COPG2: variants seen among roughly 807,000 people sequenced by gnomAD.
The protein encoded by COPG2 is coat protein complex I subunit gamma 2.
COPG2 carries 37 observed loss-of-function variants against 46.3 expected under a neutral mutation model. The observed-to-expected ratio is 0.80, with a 90% confidence interval of 0.61 to 1.05. The LOEUF (loss-of-function observed/expected upper bound fraction) is 1.05, where lower values mean the gene tolerates loss of function less well. Among genes scored for constraint, COPG2 ranks in the 50% least tolerant of loss-of-function variants. The pLI, the probability that COPG2 is intolerant of heterozygous loss-of-function variation, is 0.00. For synonymous variants in COPG2, 159 were observed against 129.7 expected (o/e 1.23, Z -1.53); for missense variants, 427 against 387.8 (o/e 1.10, Z -0.85).
chr7:130,583,908 T>C lies in COPG2; in HGVS notation c.738-19515A>G, dbSNP rs564934866. The stretch of plus-strand genomic sequence containing the variant: ...TCAAAGAAGAATTGGTACCAATCCT[T>C]TTGAAACTATTCCACAAGACAGAGA... On this transcript the variant is annotated intron_variant, in intron 9 of 23. Coordinates refer to ENST00000425248, the MANE Select transcript of COPG2 (RefSeq NM_012133.6). Among the ~76,000 whole-genome samples, 5 of 151,192 alleles carry C rather than the reference T, an allele frequency of 3.3e-5. No homozygotes were observed. In the East Asian group the frequency reaches 9.7e-4, roughly 29 times the overall value.
At chr7:130,539,646 G>A (rs893741606) in intron 20 of COPG2, among the ~76,000 whole-genome samples, 46 of 152,166 alleles carry the variant, frequency 3.0e-4, no homozygotes, top group Non-Finnish European at 5.3e-4. Flanking sequence ...GAAGAAATGT[G>A]GATGCAAGGG....
intron 9 of COPG2, among the ~76,000 whole-genome samples, chr7:130,591,026 C>A (rs1794397338): frequency 6.6e-6 from 1 of 151,550 alleles, no homozygotes; most frequent in South Asian, 2.1e-4. Context: ...CCGGCAGCCA[C>A]CCCCTCCAGG....
At chr7:130,549,835 A>G (rs2116384700) in intron 17 of COPG2, among the ~76,000 whole-genome samples, 2 of 152,314 alleles carry the variant, frequency 1.3e-5, no homozygotes, top group East Asian at 3.9e-4. Flanking sequence ...TTCTTTGGGA[A>G]TATTTTTTAT....
chr7:130,550,870 A>G (rs1793527373), intron 16 of COPG2, among the ~76,000 whole-genome samples: 1 of 152,214 alleles, frequency 6.6e-6, no homozygotes, highest in African/African-American at 2.4e-5. Context: ...CATAGCATAC[A>G]CATTTTCAAC....
chr7:130,586,304 T>G (rs1478260867), intron 9 of COPG2, among the ~76,000 whole-genome samples: 1 of 151,984 alleles, frequency 6.6e-6, no homozygotes, highest in African/African-American at 2.4e-5. Flanking sequence ...AATGGACTTT[T>G]GGGACTTGGG....
intron 9 of COPG2, chr7:130,604,830 T>C: frequency 2.2e-6 from 1 of 458,484 alleles, no homozygotes; most frequent in Non-Finnish European, 4.2e-6. Flanking sequence ...GTCAGAATAA[T>C]CATGTTCCCT....
At chr7:130,574,054 G>T (rs1378461546) in intron 9 of COPG2, among the ~76,000 whole-genome samples, 1 of 152,124 alleles carries the variant, frequency 6.6e-6, no homozygotes, top group Non-Finnish European at 1.5e-5. Flanking sequence ...AATGTTCAGA[G>T]CCACATTATT....
intron 9 of COPG2, among the ~76,000 whole-genome samples, chr7:130,599,684 C>T (rs138914953): frequency 0.042 from 6,418 of 151,898 alleles, 235 homozygotes; most frequent in African/African-American, 0.094. Context: ...ATTCTATTGA[C>T]AGAGCATTCA....
chr7:130,563,218 T>C, intron 11 of COPG2, 51 bp downstream of exon 11: 1 of 397,622 alleles, frequency 2.5e-6, no homozygotes, highest in East Asian at 3.6e-5. Context: ...ACATTTAATG[T>C]TTCTCAATTA....
chr7:130,668,531 G>T, intron 1 of COPG2, 101 bp downstream of exon 1: 1 of 1,099,756 alleles, frequency 9.1e-7, no homozygotes, highest in Non-Finnish European at 1.2e-6. Context: ...TGGCACGGCG[G>T]CGCCCACGCC....
At chr7:130,574,406 G>A (rs967311251) in intron 9 of COPG2, among the ~76,000 whole-genome samples, 1 of 152,162 alleles carries the variant, frequency 6.6e-6, no homozygotes, top group African/African-American at 2.4e-5. Context: ...GCTTGGAGCT[G>A]GGTAGACTTG....
chr7:130,560,467 A>C (rs1793700717), intron 12 of COPG2, among the ~76,000 whole-genome samples: 1 of 152,186 alleles, frequency 6.6e-6, no homozygotes, highest in Non-Finnish European at 1.5e-5. Flanking sequence ...AGGCTTGTTT[A>C]GTAGAAATTG....
intron 9 of COPG2, chr7:130,605,141 C>A (rs1342637552): frequency 1.2e-5 from 6 of 509,110 alleles, no homozygotes; most frequent in African/African-American, 1.2e-4. Flanking sequence ...TCTTTATTTT[C>A]TTTAATCTGT....
At chr7:130,584,003 TA>T (rs1794215571) in intron 9 of COPG2, among the ~76,000 whole-genome samples, 2 of 151,086 alleles carry the variant, frequency 1.3e-5, no homozygotes, top group Non-Finnish European at 3.0e-5. Context: ...TGAAAGGACA[TA>T]ACAAAAAAAG....
In COPG2 at chr7:130,605,175, C is replaced by G. The variant is rs578038381; in HGVS notation, c.737+5778G>C. The G allele has an allele frequency of 1.2e-5, 6 of 519,048 alleles. No individual in the cohort carries two copies. The East Asian group carries it at 3.3e-4, about 28-fold the overall frequency. 32.2% of individuals were successfully genotyped at this position (519,048 alleles called of 1,614,324 possible). On this transcript the variant is annotated intron_variant, in intron 9 of 23. Transcript: ENST00000425248. ...GTTTTCTCTCTGTTCTTCAAACTAG[C>G]TACTTTCTCCTGCTCTATCTTCAAA... is the stretch of plus-strand genomic sequence containing the variant.
intron 9 of COPG2, among the ~76,000 whole-genome samples, chr7:130,566,225 A>C (rs1793801054): frequency 6.6e-6 from 1 of 152,168 alleles, no homozygotes; most frequent in Non-Finnish European, 1.5e-5. Flanking sequence ...TTCGATTTGC[A>C]TTTCTCTAAT....
intron 20 of COPG2, among the ~76,000 whole-genome samples, chr7:130,512,574 G>C (rs967526675): frequency 5.3e-5 from 8 of 152,094 alleles, no homozygotes; most frequent in Non-Finnish European, 7.4e-5. Flanking sequence ...GAGGTCAGGA[G>C]TTTGAGACCA....
Position 130,589,162 on chromosome 7 carries a change from T to G in COPG2, c.737+21791A>C, listed in dbSNP as rs934472145. ...AAGACATCTCTCAATATTTTGATAT[T>G]ACAAGTAATACTGGAATTGAAATAT... On this transcript the variant is annotated intron_variant, in intron 9 of 23. Coordinates refer to ENST00000425248, the MANE Select transcript of COPG2 (RefSeq NM_012133.6). 2.6e-5 allele frequency among the ~76,000 whole-genome samples: 4 copies of G among 152,224 alleles called. No individual in the cohort carries two copies. In the East Asian group the frequency reaches 7.7e-4, roughly 29 times the overall value.
chr7:130,591,018 G>A (rs1363456249), intron 9 of COPG2, among the ~76,000 whole-genome samples: 2 of 151,004 alleles, frequency 1.3e-5, no homozygotes, highest in Admixed American at 6.6e-5. Flanking sequence ...GTCTCTGCCC[G>A]GCAGCCACCC....
Sources: gnomAD v4.1 joint callset for allele counts (sites outside exome capture counted in the v4.1 genomes callset) on GRCh38, gnomAD v4.1.1 for gene constraint, MANE v1.5 for transcripts, NCBI Gene and HGNC (gene_info 2026-07-23, HGNC 2026-07-21) for gene names.